SCN1A: variants seen among roughly 807,000 people sequenced by gnomAD.
SCN1A encodes sodium voltage-gated channel alpha subunit 1.
Under a neutral mutation model 193.7 loss-of-function variants are expected in SCN1A, and 13 were observed. The observed-to-expected ratio is 0.07, with a 90% CI of 0.04 to 0.11. The LOEUF (loss-of-function observed/expected upper bound fraction) is 0.11, where lower values mean the gene tolerates loss of function less well. Among genes scored for constraint, SCN1A ranks in the 10% least tolerant of loss-of-function variants. The pLI is 1.00. For synonymous variants in SCN1A, 781 were observed against 843.6 expected, an observed-to-expected ratio of 0.93 and a Z score of 1.29; for missense variants, 1,432 against 2,451.1, an observed-to-expected ratio of 0.58 and a Z score of 8.78.
At chr2:166,104,598 C>T (rs2106162411) in intron 2 of SCN1A, among the ~76,000 whole-genome samples, 1 of 152,160 alleles carries the variant, frequency 6.6e-6, no homozygotes, top group East Asian at 1.9e-4. Context: ...CAAAAATTAA[C>T]CAGGCATGGT....
rs371501606 is a variant in SCN1A at position 166,080,692 on chromosome 2, A to G, written c.-141-2891T>C. Among the ~76,000 whole-genome samples the G allele has an allele frequency of 4.5e-4, 69 of 151,960 alleles. 1 individual carries two copies. The highest frequency in any genetic ancestry group is 1.7e-3 in the African/African-American group (69 of 41,540). ...TGAGAGATCATGGGGGAAAAAAAAGATTGTAAGAAAATGAAGTGGAAATTT... is the reference window on the plus strand; with the variant it reads ...TGAGAGATCATGGGGGAAAAAAAAGGTTGTAAGAAAATGAAGTGGAAATTT... On this transcript the variant is annotated intron_variant, in intron 2 of 28. Transcript: ENST00000674923.
chr2:165,996,586 G>A (rs1265674414), intron 26 of SCN1A, among the ~76,000 whole-genome samples: 1 of 151,610 alleles, frequency 6.6e-6, no homozygotes, highest in East Asian at 1.9e-4. Flanking sequence ...AGAATTGGAG[G>A]AAAGGGATAA....
chr2:166,005,574 A>T (rs2105532871), intron 23 of SCN1A, among the ~76,000 whole-genome samples: 1 of 151,532 alleles, frequency 6.6e-6, no homozygotes, highest in Admixed American at 6.6e-5. Context: ...TTTATCTTAG[A>T]AAACATCTGG....
At chr2:166,123,734 T>C (rs1406221935) in intron 2 of SCN1A, 3 of 152,240 alleles carry the variant, frequency 2.0e-5, no homozygotes, top group African/African-American at 7.2e-5. Flanking sequence ...TAATAACTTG[T>C]TAACATTGAA....
At chr2:166,017,862 C>T (rs1693509966) in intron 19 of SCN1A, among the ~76,000 whole-genome samples, 1 of 151,882 alleles carries the variant, frequency 6.6e-6, no homozygotes. Context: ...GTCTGATCCC[C>T]ACATAGTTTT....
chr2:166,015,869 G>A, intron 19 of SCN1A, 142 bp from the exon 20 acceptor site: 1 of 867,674 alleles, frequency 1.2e-6, no homozygotes, highest in Admixed American at 2.3e-5. Flanking sequence ...GATTGAATAA[G>A]GGGAAGAAAT....
rs1327291322 is a variant in SCN1A at position 166,041,480 on chromosome 2, A to AAG, written c.2177-12_2177-11insCT. The stretch of plus-strand genomic sequence containing the variant: ...TGGATTCTTCAAGTTCTAGATTAAG[A>AAG]AAAAAAAAAAAAAGAACCACCAAAA... On this transcript the variant is annotated splice_polypyrimidine_tract_variant and intron_variant, in intron 15 of 28. Coordinates refer to ENST00000674923, the MANE Select transcript of SCN1A (RefSeq NM_001165963.4). 1 of 843,976 alleles carries AAG rather than the reference A, an allele frequency of 1.2e-6. No homozygotes were observed. The highest frequency in any genetic ancestry group is 1.6e-6 in the Non-Finnish European group (1 of 622,108). 52.3% of individuals were successfully genotyped at this position (843,976 alleles called of 1,614,324 possible). A position where few individuals can be genotyped will look rare whatever the true frequency, so the allele number is the denominator to read the frequency against.
chr2:166,070,279 T>C (rs1452591193), intron 4 of SCN1A, among the ~76,000 whole-genome samples: 1 of 152,224 alleles, frequency 6.6e-6, no homozygotes, highest in Non-Finnish European at 1.5e-5. Context: ...GCAAAAAGCT[T>C]CGTGTGCATT....
At chr2:166,085,792 G>T (rs1349114295) in intron 2 of SCN1A, among the ~76,000 whole-genome samples, 1 of 152,116 alleles carries the variant, frequency 6.6e-6, no homozygotes, top group Non-Finnish European at 1.5e-5. Flanking sequence ...ATTTGGTTCA[G>T]ATTCTGTATA....
intron 20 of SCN1A, among the ~76,000 whole-genome samples, chr2:166,014,554 C>A (rs1187897037): frequency 6.9e-6 from 1 of 145,008 alleles, no homozygotes; most frequent in Non-Finnish European, 1.5e-5. Context: ...GAACATGTAC[C>A]TTACTCCCAA....
chr2:166,111,018 C>T (rs2106195339), intron 2 of SCN1A, among the ~76,000 whole-genome samples: 1 of 152,276 alleles, frequency 6.6e-6, no homozygotes. Flanking sequence ...CGTTAAACTG[C>T]TTTCCTTTAT....
chr2:166,116,056 G>T (rs1369577887), intron 2 of SCN1A, among the ~76,000 whole-genome samples: 1 of 152,218 alleles, frequency 6.6e-6, no homozygotes, highest in Non-Finnish European at 1.5e-5. Context: ...AGGACTAATG[G>T]TAAGGTAGAT....
intron 2 of SCN1A, among the ~76,000 whole-genome samples, chr2:166,117,211 T>C (rs2106224401): frequency 6.6e-6 from 1 of 152,318 alleles, no homozygotes; most frequent in South Asian, 2.1e-4. Flanking sequence ...AATAGTATTC[T>C]ATGGAAGTAC....
At chr2:166,013,628 T>G in intron 21 of SCN1A, 116 bp downstream of exon 21, 1 of 857,756 alleles carries the variant, frequency 1.2e-6, no homozygotes, top group East Asian at 2.6e-5. Flanking sequence ...AGATACAAGG[T>G]GGGATAATTA....
chr2:166,118,050 G>GT (rs903591646), intron 2 of SCN1A, among the ~76,000 whole-genome samples: 1 of 150,656 alleles, frequency 6.6e-6, no homozygotes, highest in Non-Finnish European at 1.5e-5. Context: ...ACTGTGAAAA[G>GT]TTTTTTTTAT....
chr2:166,010,104 G>A (rs575540240), intron 22 of SCN1A, among the ~76,000 whole-genome samples: 1 of 150,156 alleles, frequency 6.7e-6, no homozygotes, highest in Non-Finnish European at 1.5e-5. Context: ...GAAAAAAAAA[G>A]CAAAGTAAAA....
chr2:166,073,351 C>T lies in SCN1A; in HGVS notation c.264+7G>A. Reference sequence around the variant, plus strand: ...GCAGCAAAATATGCCTGATAAAAAACACTCACTTTCTTATTGATATAGTAG... The same window carrying T: ...GCAGCAAAATATGCCTGATAAAAAATACTCACTTTCTTATTGATATAGTAG... On this transcript the variant is annotated splice_region_variant and intron_variant, in intron 4 of 28. Coordinates refer to ENST00000674923, the MANE Select transcript of SCN1A (RefSeq NM_001165963.4). 6.2e-7 allele frequency: 1 copy of T among 1,613,336 alleles called. No homozygotes were observed.
chr2:166,126,016 G>A (rs780978582), intron 2 of SCN1A, among the ~76,000 whole-genome samples: 2 of 152,160 alleles, frequency 1.3e-5, no homozygotes, highest in Non-Finnish European at 2.9e-5. Flanking sequence ...GTGAAGGAAG[G>A]AGGAAAAACA....
chr2:165,991,001 T>C lies in SCN1A; in HGVS notation c.*244A>G, dbSNP rs1689051934. 3 of 494,496 alleles carry C rather than the reference T, an allele frequency of 6.1e-6. 1 individual carries two copies. The South Asian group carries it at 7.5e-5, about 12-fold the overall frequency. 30.6% of individuals were successfully genotyped at this position (494,496 alleles called of 1,614,324 possible). A position where few individuals can be genotyped will look rare whatever the true frequency, so the allele number is the denominator to read the frequency against. On this transcript the variant is annotated 3_prime_UTR_variant, in exon 29 of 29. Coordinates refer to ENST00000674923, the MANE Select transcript of SCN1A (RefSeq NM_001165963.4). ...CAGTCTGACTAGCCATTGTGCATCT[T>C]ATCTTCAGCAGTGTCAGCTGGTAGT...
Sources: allele counts gnomAD v4.1 joint callset (sites outside exome capture counted in the v4.1 genomes callset), GRCh38; gene constraint gnomAD v4.1.1; transcripts MANE v1.5; gene names NCBI Gene and HGNC (gene_info 2026-07-23, HGNC 2026-07-21).